Variants in HDLBP observed in about 807,000 individuals in gnomAD.
The protein encoded by HDLBP is vigilin.
In HDLBP, 30 loss-of-function variants were observed where a neutral mutation model predicts 137.3. That is an observed-to-expected ratio of 0.22 (90% CI 0.16 to 0.30). The LOEUF (loss-of-function observed/expected upper bound fraction) is 0.30. Ranked by LOEUF, HDLBP falls within the 10% of genes least tolerant of loss-of-function variation. HDLBP has a pLI of 1.00. For missense variants in HDLBP, 1,119 were observed against 1,667.3 expected (o/e 0.67, Z 5.73); for synonymous variants, 606 against 596.0 (o/e 1.02, Z -0.24).
At chr2:241,273,213 C>G (rs2074245433) in intron 1 of HDLBP, 1 of 985,456 alleles carries the variant, frequency 1.0e-6, no homozygotes. Flanking sequence ...GATGGCCACA[C>G]TGGCACGAGG....
chr2:241,296,876 A>G (rs1052329576), intron 1 of HDLBP, among the ~76,000 whole-genome samples: 1 of 152,270 alleles, frequency 6.6e-6, no homozygotes, highest in African/African-American at 2.4e-5. Flanking sequence ...AGAATACAGA[A>G]GCATAGGTGT....
intron 5 of HDLBP, 44 bp downstream of exon 5, chr2:241,262,667 C>G (rs535214349): frequency 6.9e-7 from 1 of 1,451,192 alleles, no homozygotes; most frequent in African/African-American, 1.4e-5. Flanking sequence ...GGTAATGGAA[C>G]GGGTACACAG....
intron 1 of HDLBP, among the ~76,000 whole-genome samples, chr2:241,285,766 T>C (rs552456045): frequency 1.0e-3 from 156 of 152,322 alleles, no homozygotes; most frequent in African/African-American, 3.4e-3. Flanking sequence ...TGGTGACTCA[T>C]GCCTATAATC....
chr2:241,265,681 G>C (rs2073608562), intron 3 of HDLBP, among the ~76,000 whole-genome samples: 1 of 152,218 alleles, frequency 6.6e-6, no homozygotes, highest in Non-Finnish European at 1.5e-5. Context: ...ACCATGAATG[G>C]ATGTGACAGA....
Position 241,272,452 on chromosome 2 carries a change from T to A in HDLBP, c.-102-3911A>T. The A allele has an allele frequency of 1.0e-6, 1 of 984,232 alleles. No individual in the cohort carries two copies. The highest frequency in any genetic ancestry group is 4.7e-5 in the South Asian group (1 of 21,268). 61.0% of individuals were successfully genotyped at this position (984,232 alleles called of 1,614,324 possible). On this transcript the variant is annotated intron_variant, in intron 1 of 27. Transcript: ENST00000310931. The surrounding 1 kb of genome is among the most constrained non-coding windows in gnomAD (Gnocchi z 5.6). ...CCGGGAGGAGGCGGGGGAGCCCAGCTTGCAGCCAAGAGCGGCCCAGCGGCG... is the reference window on the plus strand; with the variant it reads ...CCGGGAGGAGGCGGGGGAGCCCAGCATGCAGCCAAGAGCGGCCCAGCGGCG...
At chr2:241,309,381 C>G (rs889161940) in intron 1 of HDLBP, among the ~76,000 whole-genome samples, 6 of 152,194 alleles carry the variant, frequency 3.9e-5, no homozygotes, top group African/African-American at 1.4e-4. Context: ...ATTTACACTA[C>G]TTCGTGAAGC....
Position 241,272,468 on chromosome 2 carries a change from C to A in HDLBP, c.-102-3927G>T. 2 of 984,428 alleles carry A rather than the reference C, an allele frequency of 2.0e-6. No individual in the cohort carries two copies. The highest frequency in any genetic ancestry group is 2.4e-6 in the Non-Finnish European group (2 of 829,610). The allele number at this position is 984,428 out of a possible 1,614,324, so 61.0% of individuals were successfully genotyped here. On this transcript the variant is annotated intron_variant, in intron 1 of 27. Transcript: ENST00000310931. The surrounding 1 kb of genome is among the most constrained non-coding windows in gnomAD (Gnocchi z 5.6). ...GAGCCCAGCTTGCAGCCAAGAGCGG[C>A]CCAGCGGCGCCACCGGACTTGAGAA...
chr2:241,308,250 C>A (rs944964630), intron 1 of HDLBP, among the ~76,000 whole-genome samples: 4 of 152,178 alleles, frequency 2.6e-5, no homozygotes, highest in African/African-American at 9.7e-5. Flanking sequence ...TAATCACAAC[C>A]AATCCGTCGT....
chr2:241,281,454 G>C (rs908426819), intron 1 of HDLBP, among the ~76,000 whole-genome samples: 2 of 152,212 alleles, frequency 1.3e-5, no homozygotes, highest in Admixed American at 1.3e-4. Flanking sequence ...CTAGGAGGTG[G>C]GGGTTGCAAT....
At chr2:241,257,613 G>C (rs1288661854) in intron 5 of HDLBP, among the ~76,000 whole-genome samples, 1 of 152,250 alleles carries the variant, frequency 6.6e-6, no homozygotes, top group Non-Finnish European at 1.5e-5. Context: ...ACAAGGTGGA[G>C]TATGTGCATT....
Position 241,236,747 on chromosome 2 carries a change from G to A in HDLBP, c.2772C>T (p.Val924=). The change falls in exon 21 of 28, where the codon GTC becomes GTT. Residue 924 remains valine, a synonymous_variant. Coordinates refer to ENST00000310931, the MANE Select transcript of HDLBP (RefSeq NM_005336.6). ...CCCCAGCTTCGTCCCCATTCTCCTG[G>A]ACAACTGGCTCTGTACTGTGAACTA... ...ENAVHSTEPV[V]QENGDEAGEG... The A allele has an allele frequency of 6.2e-7, 1 of 1,614,140 alleles. No homozygotes were observed. Among genetic ancestry groups the A allele is most frequent in the Non-Finnish European group, 8.5e-7 (1 of 1,180,026 alleles).
chr2:241,268,458 C>T lies in HDLBP; in HGVS notation c.-38+19G>A. On this transcript the variant is annotated intron_variant, in intron 2 of 27. Transcript: ENST00000310931. ...ACACAGCCCAGGGACAGGAAGTCTTCAGACAGGGTCAAACTTACCAGCAAA... is the reference window on the plus strand; with the variant it reads ...ACACAGCCCAGGGACAGGAAGTCTTTAGACAGGGTCAAACTTACCAGCAAA... The T allele has an allele frequency of 1.0e-6, 1 of 985,916 alleles. No individual in the cohort carries two copies. The highest frequency in any genetic ancestry group is 4.7e-5 in the South Asian group (1 of 21,288). The allele number at this position is 985,916 out of a possible 1,614,324, so 61.1% of individuals were successfully genotyped here.
intron 11 of HDLBP, among the ~76,000 whole-genome samples, chr2:241,251,741 G>T (rs1180773873): frequency 6.6e-6 from 1 of 152,142 alleles, no homozygotes; most frequent in Non-Finnish European, 1.5e-5. Flanking sequence ...TTGGGAGGCC[G>T]AGGTGGGCAG....
chr2:241,284,025 C>T (rs1430348159), intron 1 of HDLBP, among the ~76,000 whole-genome samples: 1 of 94,954 alleles, frequency 1.1e-5, no homozygotes, highest in Non-Finnish European at 2.1e-5. Flanking sequence ...ATCTACTGCC[C>T]AGAAAAAAAA....
Position 241,229,531 on chromosome 2 carries a change from G to T in HDLBP, c.*70C>A. 8.5e-7 allele frequency: 1 copy of T among 1,179,122 alleles called. No individual in the cohort carries two copies. The highest frequency in any genetic ancestry group is 1.3e-6 in the Non-Finnish European group (1 of 797,702). 73.0% of individuals were successfully genotyped at this position (1,179,122 alleles called of 1,614,324 possible). On this transcript the variant is annotated 3_prime_UTR_variant, in exon 28 of 28. Transcript: ENST00000310931. ...TACGGAGGGTCCAGCCGCTGGGTCA[G>T]ATTGAGACAAACCATTGTGTGGTTG...
At chr2:241,237,228 G>T (rs2070653646) in intron 20 of HDLBP, among the ~76,000 whole-genome samples, 1 of 152,152 alleles carries the variant, frequency 6.6e-6, no homozygotes, top group African/African-American at 2.4e-5. Context: ...TGGGAAGGGG[G>T]GTGAGAGGTC....
chr2:241,304,464 G>A (rs1490472856), intron 1 of HDLBP, among the ~76,000 whole-genome samples: 1 of 152,206 alleles, frequency 6.6e-6, no homozygotes, highest in Non-Finnish European at 1.5e-5. Context: ...CCAATCCCCC[G>A]AAGGCAGCCA....
chr2:241,253,609 T>C (rs745706833), intron 9 of HDLBP, 112 bp from the exon 10 acceptor site: 2 of 718,684 alleles, frequency 2.8e-6, no homozygotes, highest in Non-Finnish European at 5.0e-6. Context: ...CTGCTTCACA[T>C]AGATGTGAGG....
intron 1 of HDLBP, among the ~76,000 whole-genome samples, chr2:241,301,220 C>A (rs2075387379): frequency 1.3e-5 from 2 of 151,470 alleles, no homozygotes; most frequent in South Asian, 4.2e-4. Context: ...ATCTCCTGAC[C>A]TCGTGATCTG....
Sources: allele counts gnomAD v4.1 joint callset (sites outside exome capture counted in the v4.1 genomes callset), GRCh38; gene constraint gnomAD v4.1.1; non-coding constraint Gnocchi (gnomAD v3.1); transcripts MANE v1.5; gene names NCBI Gene and HGNC (gene_info 2026-07-23, HGNC 2026-07-21).